The following SLC44A5 variants were observed in gnomAD, a reference collection of about 807,000 sequenced individuals.
SLC44A5 encodes solute carrier family 44 member 5, also known as choline transporter-like protein 5.
A neutral mutation model predicts 101.8 loss-of-function variants in SLC44A5; 57 were observed. The ratio of observed to expected loss-of-function variants is 0.56; its 90% CI spans 0.45 to 0.70. The LOEUF is 0.70. Ranked by LOEUF, SLC44A5 falls within the 30% of genes least tolerant of loss-of-function variation. The pLI, the probability that SLC44A5 is intolerant of heterozygous loss-of-function variation, is 0.00. For synonymous variants in SLC44A5, 281 were observed against 290.9 expected (o/e 0.97, Z 0.35); for missense variants, 737 against 853.1 (o/e 0.86, Z 1.70).
the SLC44A5 span, among the ~76,000 whole-genome samples, chr1:75,676,030 A>T: frequency 1.3e-5 from 2 of 152,234 alleles, no homozygotes; most frequent in East Asian, 3.9e-4. Context: ...AATGGCAATT[A>T]TTAAAAAGTC....
chr1:75,375,475 A>G (rs893397878), intron 3 of SLC44A5, among the ~76,000 whole-genome samples: 1 of 152,244 alleles, frequency 6.6e-6, no homozygotes, highest in Non-Finnish European at 1.5e-5. Context: ...TAAGTTCAAG[A>G]AATTCAGAGA....
chr1:75,376,908 C>T (rs1398889950), intron 3 of SLC44A5, among the ~76,000 whole-genome samples: 1 of 151,962 alleles, frequency 6.6e-6, no homozygotes, highest in Non-Finnish European at 1.5e-5. Context: ...AAACCAAAGG[C>T]AAAGAAGTTG....
intron 2 of SLC44A5, among the ~76,000 whole-genome samples, chr1:75,400,743 T>C (rs934840315): frequency 1.3e-5 from 2 of 152,310 alleles, no homozygotes; most frequent in South Asian, 4.1e-4. Flanking sequence ...CCTACCTTGC[T>C]TCTGCCAACC....
intron 1 of SLC44A5, among the ~76,000 whole-genome samples, chr1:75,546,783 A>ATATTAAGG (rs1671674682): frequency 6.6e-6 from 1 of 152,168 alleles, no homozygotes; most frequent in Non-Finnish European, 1.5e-5. Context: ...TCTGGTGATT[A>ATATTAAGG]TATTAAGGGT....
At chr1:75,469,331 TA>T (rs1490144007) in intron 2 of SLC44A5, among the ~76,000 whole-genome samples, 3 of 152,256 alleles carry the variant, frequency 2.0e-5, no homozygotes, top group Admixed American at 2.0e-4. Flanking sequence ...AACTGATTGA[TA>T]AAAGAATGTT....
chr1:75,631,539 A>ATTTTTT, the SLC44A5 span, among the ~76,000 whole-genome samples: 3 of 80,848 alleles, frequency 3.7e-5, no homozygotes, highest in Admixed American at 1.7e-4. Context: ...CACCTGGCTA[A>ATTTTTT]TTTTTTTTTT....
chr1:75,465,356 C>T (rs541511237), intron 2 of SLC44A5, among the ~76,000 whole-genome samples: 32 of 151,972 alleles, frequency 2.1e-4, no homozygotes, highest in Admixed American at 1.6e-3. Context: ...TTTCTTGAAA[C>T]GAATGATAAT....
chr1:75,692,576 A>T, the SLC44A5 span, among the ~76,000 whole-genome samples: 2 of 152,132 alleles, frequency 1.3e-5, no homozygotes, highest in African/African-American at 2.4e-5. Flanking sequence ...ATAGGAGAGG[A>T]AGCAGAGTGT....
chr1:75,484,487 T>C (rs983010711), intron 2 of SLC44A5, among the ~76,000 whole-genome samples: 1 of 152,206 alleles, frequency 6.6e-6, no homozygotes, highest in African/African-American at 2.4e-5. Flanking sequence ...CTCAGACAGC[T>C]CCACTTCTGT....
the SLC44A5 span, among the ~76,000 whole-genome samples, chr1:75,711,776 G>T: frequency 6.6e-6 from 1 of 152,312 alleles, no homozygotes; most frequent in East Asian, 1.9e-4. Flanking sequence ...CAGAATCAGA[G>T]ACTTTGTGAA....
At chr1:75,463,336 C>T (rs577534959) in intron 2 of SLC44A5, among the ~76,000 whole-genome samples, 10 of 139,310 alleles carry the variant, frequency 7.2e-5, no homozygotes, top group African/African-American at 1.9e-4. Context: ...AGGAGAATGG[C>T]GTGAACCTGG....
the SLC44A5 span, among the ~76,000 whole-genome samples, chr1:75,616,608 AG>A: frequency 6.6e-6 from 1 of 152,140 alleles, no homozygotes; most frequent in Non-Finnish European, 1.5e-5. Context: ...AGCCTCCTCG[AG>A]GATAGCGAGC....
At chr1:75,331,866 T>C (rs1282901648) in intron 4 of SLC44A5, among the ~76,000 whole-genome samples, 2 of 152,160 alleles carry the variant, frequency 1.3e-5, no homozygotes, top group Non-Finnish European at 2.9e-5. Context: ...CCTCTTATCA[T>C]TCAAGTCTCA....
rs1373529540 is a variant in SLC44A5 at position 75,279,789 on chromosome 1, G to A, written c.176-4747C>T. On this transcript the variant is annotated intron_variant, in intron 5 of 23. Transcript: ENST00000370859. ...GTATTTTTATTTCAGGGTTTTGGGA[G>A]AAGAGGTGGTGTTTCATTACATGGA... Among the ~76,000 whole-genome samples, 3 of 151,976 alleles carry A rather than the reference G, an allele frequency of 2.0e-5. No homozygotes were observed. In the East Asian group the frequency reaches 5.8e-4, roughly 30 times the overall value.
At chr1:75,232,135 C>T (rs1415463) in intron 12 of SLC44A5, among the ~76,000 whole-genome samples, 42,628 of 151,700 alleles carry the variant, frequency 0.28, 6,245 homozygotes, top group Middle Eastern at 0.36. Flanking sequence ...AGCTTACTTC[C>T]TACACCATTA....
At chr1:75,687,096 A>G in the SLC44A5 span, among the ~76,000 whole-genome samples, 1 of 152,158 alleles carries the variant, frequency 6.6e-6, no homozygotes, top group Non-Finnish European at 1.5e-5. Flanking sequence ...TAGGGTCTGA[A>G]AAACAGGATG....
At chr1:75,376,197 G>A (rs940475934) in intron 3 of SLC44A5, among the ~76,000 whole-genome samples, 1 of 152,236 alleles carries the variant, frequency 6.6e-6, no homozygotes, top group South Asian at 2.1e-4. Flanking sequence ...CGCCCATGGA[G>A]TCTCGCTGAT....
the SLC44A5 span, among the ~76,000 whole-genome samples, chr1:75,720,571 T>C: frequency 6.6e-6 from 1 of 152,032 alleles, no homozygotes; most frequent in Non-Finnish European, 1.5e-5. Context: ...GGGAAAACTA[T>C]AACTTTACCA....
At chr1:75,705,042 T>A in the SLC44A5 span, among the ~76,000 whole-genome samples, 1 of 152,200 alleles carries the variant, frequency 6.6e-6, no homozygotes, top group Non-Finnish European at 1.5e-5. Context: ...TCAGCTGAGA[T>A]AATCATATGT....
Sources: gnomAD v4.1 joint callset for allele counts (sites outside exome capture counted in the v4.1 genomes callset) on GRCh38, gnomAD v4.1.1 for gene constraint, MANE v1.5 for transcripts, NCBI Gene and HGNC (gene_info 2026-07-23, HGNC 2026-07-21) for gene names.